SRSF4: variants seen among roughly 807,000 people sequenced by gnomAD.
The protein encoded by SRSF4 is serine/arginine-rich splicing factor 4.
A neutral mutation model predicts 48.8 loss-of-function variants in SRSF4; 12 were observed. That is an observed-to-expected ratio of 0.25 (90% CI 0.16 to 0.40). The LOEUF (loss-of-function observed/expected upper bound fraction) is 0.40. Among genes scored for constraint, SRSF4 ranks in the 10% least tolerant of loss-of-function variants. The probability of loss-of-function intolerance (pLI) is 1.00; values close to 1 mark genes in which losing one functional copy is unlikely to be tolerated. For missense variants in SRSF4, 466 were observed against 667.1 expected, an observed-to-expected ratio of 0.70 and a Z score of 3.32; for synonymous variants, 248 against 232.5, an observed-to-expected ratio of 1.07 and a Z score of -0.61.
intron 1 of SRSF4, among the ~76,000 whole-genome samples, chr1:29,178,146 T>C (rs1020975870): frequency 1.3e-5 from 2 of 152,010 alleles, no homozygotes; most frequent in African/African-American, 4.8e-5. Context: ...GTGATCCACC[T>C]ACCTCGGCCT....
rs1430297710 is a variant in SRSF4 at position 29,149,139 on chromosome 1, C to T, written c.756G>A (p.Lys252=). 6.2e-7 allele frequency: 1 copy of T among 1,609,276 alleles called. No homozygotes were observed. Among genetic ancestry groups the T allele is most frequent in the Admixed American group, 1.7e-5 (1 of 59,770 alleles). Residue 252 remains lysine (K), a synonymous_variant, in exon 6 of 6, where the codon AAG becomes AAA. Coordinates refer to ENST00000373795, the MANE Select transcript of SRSF4 (RefSeq NM_005626.5). ...TATGGCTGCGGCTGCGGCTCTTTTCCTTGCTGGGGCTCCTGCTTTTCTCTT... is the reference window on the plus strand; with the variant it reads ...TATGGCTGCGGCTGCGGCTCTTTTCTTTGCTGGGGCTCCTGCTTTTCTCTT... The part of the protein sequence containing the change: ...SKKEKSRSPS[K]EKSRSRSHSA...
At chr1:29,156,849 A>G (rs1672508331) in intron 3 of SRSF4, among the ~76,000 whole-genome samples, 1 of 152,320 alleles carries the variant, frequency 6.6e-6, no homozygotes, top group African/African-American at 2.4e-5. Context: ...CAATTGCAAA[A>G]TGGAGGCTGC....
intron 1 of SRSF4, among the ~76,000 whole-genome samples, chr1:29,167,519 G>A (rs1209764490): frequency 6.6e-6 from 1 of 152,198 alleles, no homozygotes; most frequent in Non-Finnish European, 1.5e-5. Flanking sequence ...TGAATAGCTG[G>A]AATTACAGGC....
chr1:29,159,682 G>T, intron 2 of SRSF4, 196 bp from the exon 3 acceptor site: 1 of 418,402 alleles, frequency 2.4e-6, no homozygotes, highest in Non-Finnish European at 4.3e-6. Context: ...AATTTAAAAA[G>T]TTGTAAGTAT....
chr1:29,180,618 C>G (rs1013387110), intron 1 of SRSF4, among the ~76,000 whole-genome samples: 1 of 152,096 alleles, frequency 6.6e-6, no homozygotes, highest in Non-Finnish European at 1.5e-5. Context: ...CTTTTTTAAG[C>G]CAAGAGTTCT....
intron 1 of SRSF4, among the ~76,000 whole-genome samples, chr1:29,162,122 C>G (rs1262835398): frequency 6.6e-6 from 1 of 152,128 alleles, no homozygotes; most frequent in Non-Finnish European, 1.5e-5. Context: ...CACAGACACA[C>G]CCGGTTATTT....
In SRSF4 at chr1:29,148,912, C is replaced by T. The variant is rs377019095; in HGVS notation, c.983G>A (p.Arg328His). ...GCTCCTGCTCCGGCTCCGACTCTGG[C>T]GGAGGCTCTTCTCCTGGCTCCTGCC... ...SRGRSQEKSL[R>H]QSRSRSRSKG... Residue 328 changes from arginine (R) to histidine (H), a missense_variant, in exon 6 of 6, where the codon CGC becomes CAC. Physicochemically the swap from Arg to His is conservative, Grantham distance 29. Transcript: ENST00000373795. 15 of 1,611,338 alleles carry T rather than the reference C, an allele frequency of 9.3e-6. No homozygotes were observed. In the African/African-American group the frequency reaches 9.4e-5, roughly 10 times the overall value.
At chr1:29,178,219 T>G (rs1672898876) in intron 1 of SRSF4, among the ~76,000 whole-genome samples, 2 of 152,062 alleles carry the variant, frequency 1.3e-5, no homozygotes, top group African/African-American at 4.8e-5. Context: ...ATTTTATGCC[T>G]TAATTCTAAA....
At chr1:29,160,996 G>A (rs1269133688) in intron 1 of SRSF4, among the ~76,000 whole-genome samples, 1 of 152,096 alleles carries the variant, frequency 6.6e-6, no homozygotes, top group African/African-American at 2.4e-5. Context: ...TAAGGTTCCT[G>A]TTCCTCTACG....
At chr1:29,168,992 T>C (rs755681769) in intron 1 of SRSF4, 1 of 152,190 alleles carries the variant, frequency 6.6e-6, no homozygotes, top group Non-Finnish European at 1.5e-5. Context: ...ATGATAAACA[T>C]CTAAGATGTG....
chr1:29,168,193 T>C (rs1574198521), intron 1 of SRSF4, among the ~76,000 whole-genome samples: 2 of 58,718 alleles, frequency 3.4e-5, no homozygotes, highest in African/African-American at 1.9e-4. Flanking sequence ...TTTTTGTAAT[T>C]TTTTTTTTTT....
At chr1:29,168,196 T>A (rs1190026161) in intron 1 of SRSF4, among the ~76,000 whole-genome samples, 1 of 148,984 alleles carries the variant, frequency 6.7e-6, no homozygotes, top group Non-Finnish European at 1.5e-5. Flanking sequence ...TTGTAATTTT[T>A]TTTTTTTTTT....
intron 1 of SRSF4, among the ~76,000 whole-genome samples, chr1:29,162,532 T>G (rs1205489615): frequency 1.3e-5 from 2 of 152,182 alleles, no homozygotes; most frequent in East Asian, 3.8e-4. Context: ...ACAACAAAAG[T>G]GCCCTCCTGA....
At chr1:29,158,507 A>G (rs1574193444) in intron 3 of SRSF4, among the ~76,000 whole-genome samples, 1 of 150,304 alleles carries the variant, frequency 6.7e-6, no homozygotes, top group African/African-American at 2.5e-5. Flanking sequence ...TTGGCTCACT[A>G]CAACCTCCAC....
chr1:29,168,188 G>C (rs1028764404), intron 1 of SRSF4, among the ~76,000 whole-genome samples: 1 of 114,642 alleles, frequency 8.7e-6, no homozygotes, highest in Non-Finnish European at 1.8e-5. Context: ...CAAATTTTTT[G>C]TAATTTTTTT....
chr1:29,160,646 T>C, intron 1 of SRSF4, 129 bp from the exon 2 acceptor site: 1 of 1,074,304 alleles, frequency 9.3e-7, no homozygotes, highest in South Asian at 1.8e-5. Flanking sequence ...GGATCAACTT[T>C]GTCTTCTCTT....
In SRSF4 at chr1:29,154,744, G is replaced by A; in HGVS notation, c.530C>T (p.Pro177Leu). The A allele has an allele frequency of 6.2e-7, 1 of 1,614,146 alleles. No individual in the cohort carries two copies. The highest frequency in any genetic ancestry group is 8.5e-7 in the Non-Finnish European group (1 of 1,180,042). Residue 177 changes from proline (P) to leucine (L), a missense_variant, in exon 4 of 6, where the codon CCA becomes CTA. Pro to Leu is a moderately conservative substitution (Grantham distance 98). This residue lies in a region of SRSF4 where 402 missense variants were observed against 437.0 expected (regional missense o/e 0.92). Transcript: ENST00000373795. ...GRKIRLVEDKPGSRRRRSYSR... is the reference protein window; with the variant it reads ...GRKIRLVEDKLGSRRRRSYSR... ...GTAGGACCGGCGTCGTCTGGAACCT[G>A]GCTTGTCTTCAACTAATCTGATTTT...
chr1:29,181,584 G>T, intron 1 of SRSF4, 62 bp downstream of exon 1: 1 of 1,381,082 alleles, frequency 7.2e-7, no homozygotes. Flanking sequence ...CCGTCCCCGC[G>T]GCCTCCCCAC....
chr1:29,169,830 C>A (rs1672722715), intron 1 of SRSF4: 1 of 152,140 alleles, frequency 6.6e-6, no homozygotes, highest in African/African-American at 2.4e-5. Flanking sequence ...ATCCTAAACA[C>A]CAAACAGTAA....
Sources: allele counts gnomAD v4.1 joint callset (sites outside exome capture counted in the v4.1 genomes callset), GRCh38; gene constraint gnomAD v4.1.1; regional missense constraint gnomAD v4.1.1; transcripts MANE v1.5; gene names NCBI Gene and HGNC (gene_info 2026-07-23, HGNC 2026-07-21).